The following PDLIM3 variants were observed in gnomAD, a reference collection of about 807,000 sequenced individuals.
PDLIM3 encodes the protein PDZ and LIM domain 3, also known as PDZ and LIM domain protein 3.
PDLIM3 carries 36 observed loss-of-function variants against 37.3 expected under a neutral mutation model. The ratio of observed to expected loss-of-function variants is 0.97; its 90% confidence interval spans 0.74 to 1.28. PDLIM3 has a LOEUF of 1.28. PDLIM3 is among the 50% of genes most tolerant of loss of function. The probability of loss-of-function intolerance (pLI) is 0.00; values close to 1 mark genes in which losing one functional copy is unlikely to be tolerated. For synonymous variants in PDLIM3, 174 were observed against 182.4 expected (o/e 0.95, Z 0.37); for missense variants, 454 against 485.0 (o/e 0.94, Z 0.60).
chr4:185,508,662 G>A (rs2095701930), intron 4 of PDLIM3, 100 bp from the exon 5 acceptor site: 2 of 1,189,248 alleles, frequency 1.7e-6, no homozygotes. Flanking sequence ...AAAAGGAATT[G>A]AAGACAAAAG....
intron 1 of PDLIM3, among the ~76,000 whole-genome samples, chr4:185,531,519 G>C (rs1359374089): frequency 6.6e-6 from 1 of 152,158 alleles, no homozygotes; most frequent in Non-Finnish European, 1.5e-5. Context: ...TTACGGGCAT[G>C]AGGGCCCTGT....
In PDLIM3 at chr4:185,518,201, A is replaced by C. The variant is rs546188341; in HGVS notation, c.331-3864T>G. Among the ~76,000 whole-genome samples the C allele has an allele frequency of 7.9e-5, 12 of 152,300 alleles. No homozygotes were observed. The East Asian group carries it at 2.3e-3, about 29-fold the overall frequency. ...ACATTTTGAATTAATGGAATGCTAG[A>C]GCTGCCCCAGTGAAAGCTAAGTAAC... On this transcript the variant is annotated intron_variant, in intron 3 of 7. Transcript: ENST00000284767.
intron 3 of PDLIM3, chr4:185,515,656 T>C (rs903131329): frequency 6.6e-6 from 1 of 152,168 alleles, no homozygotes; most frequent in Non-Finnish European, 1.5e-5. Flanking sequence ...ACAGGAGGAT[T>C]TTCACTTTAT....
In PDLIM3 at chr4:185,503,505, A is replaced by C. The variant is rs551662527; in HGVS notation, c.905+970T>G. 4.7e-4 allele frequency among the ~76,000 whole-genome samples: 72 copies of C among 152,336 alleles called. No individual in the cohort carries two copies. The South Asian group carries it at 0.014, about 30-fold the overall frequency. ...TGCCTTCTTGGGATGTATCCTGGCT[A>C]ACCGGACAGAGGACACATCAGTGTG... On this transcript the variant is annotated intron_variant, in intron 7 of 7. Coordinates refer to ENST00000284767, the MANE Select transcript of PDLIM3 (RefSeq NM_014476.6).
Position 185,514,209 on chromosome 4 carries a change from A to G in PDLIM3, c.398+61T>C. The G allele has an allele frequency of 1.2e-6, 2 of 1,614,090 alleles. No homozygotes were observed. The highest frequency in any genetic ancestry group is 1.7e-6 in the Non-Finnish European group (2 of 1,179,986). On this transcript the variant is annotated intron_variant, in intron 4 of 7. Coordinates refer to ENST00000284767, the MANE Select transcript of PDLIM3 (RefSeq NM_014476.6). This position sits in a 1 kb window ranked among gnomAD's most constrained non-coding sequence, Gnocchi z 4.0. The stretch of plus-strand genomic sequence containing the variant: ...CATCTACCAGTTACTTTTCTTGATG[A>G]TTAGTAAGAACTGATTTAAGAAGCA...
chr4:185,524,513 C>T (rs182542859), intron 2 of PDLIM3, among the ~76,000 whole-genome samples: 2 of 152,212 alleles, frequency 1.3e-5, no homozygotes, highest in Admixed American at 6.5e-5. Context: ...CACATGCCCA[C>T]GTGCATATGC....
chr4:185,524,927 C>T, intron 2 of PDLIM3, 93 bp downstream of exon 2: 1 of 1,240,098 alleles, frequency 8.1e-7, no homozygotes, highest in Non-Finnish European at 1.2e-6. Context: ...AGGTCTGTGG[C>T]CCTCCTTGCT....
intron 4 of PDLIM3, chr4:185,512,474 A>C (rs905841237): frequency 6.3e-6 from 1 of 158,328 alleles, no homozygotes; most frequent in Admixed American, 6.5e-5. Context: ...ATTCAGCTAC[A>C]TTAAAAGGTG....
At position 185,535,438 on chromosome 4, in the gene PDLIM3, G is replaced by T; in HGVS notation, c.-4C>A. ...GGAGGATCACCGTCTGGGGCATGCC[G>T]CCTTCCTCCCGCCCACCGGGCTCTA... On this transcript the variant is annotated 5_prime_UTR_variant, in exon 1 of 8. Coordinates refer to ENST00000284767, the MANE Select transcript of PDLIM3 (RefSeq NM_014476.6). 1 of 1,585,546 alleles carries T rather than the reference G, an allele frequency of 6.3e-7. No individual in the cohort carries two copies. Among genetic ancestry groups the T allele is most frequent in the Non-Finnish European group, 8.6e-7 (1 of 1,167,332 alleles).
At chr4:185,523,551 T>A in intron 2 of PDLIM3, 105 bp from the exon 3 acceptor site, 1 of 669,114 alleles carries the variant, frequency 1.5e-6, no homozygotes, top group Non-Finnish European at 2.5e-6. Flanking sequence ...CAAACCTCAC[T>A]AACTTATGCA....
chr4:185,506,847 GAAC>G (rs1244142877), intron 5 of PDLIM3, 195 bp from the exon 6 acceptor site: 2 of 574,468 alleles, frequency 3.5e-6, no homozygotes, highest in African/African-American at 3.7e-5. Flanking sequence ...AAATGTCATT[GAAC>G]AACAAATCGG....
intron 1 of PDLIM3, among the ~76,000 whole-genome samples, chr4:185,534,938 C>T (rs931480912): frequency 1.1e-4 from 16 of 152,186 alleles, no homozygotes; most frequent in African/African-American, 3.6e-4. Flanking sequence ...CAGTCCCTCG[C>T]CTCTCCCACC....
At chr4:185,521,394 CTTTTCT>C (rs1417801539) in intron 3 of PDLIM3, among the ~76,000 whole-genome samples, 4 of 22,184 alleles carry the variant, frequency 1.8e-4, no homozygotes, top group African/African-American at 2.2e-4. Flanking sequence ...ACTTTCTTTT[CTTTTCT>C]TTTTTTTTTT....
chr4:185,521,130 G>A lies in PDLIM3; in HGVS notation c.330+2232C>T, dbSNP rs1037540719. 6.1e-5 allele frequency among the ~76,000 whole-genome samples: 4 copies of A among 65,982 alleles called. 1 individual carries two copies. The highest frequency in any genetic ancestry group is 3.4e-4 in the Admixed American group (2 of 5,888). The allele number at this position is 65,982 out of a possible 152,430, so 43.3% of individuals were successfully genotyped here. A position where few individuals can be genotyped will look rare whatever the true frequency, so the allele number is the denominator to read the frequency against. On this transcript the variant is annotated intron_variant, in intron 3 of 7. Coordinates refer to ENST00000284767, the MANE Select transcript of PDLIM3 (RefSeq NM_014476.6). ...GGTGGGAGGAAGCAGGTCAGCCTGG[G>A]CATCTCTGCAAAAGGCTAGATACAA...
At chr4:185,512,593 C>T (rs1289937325) in intron 4 of PDLIM3, 2 of 900,530 alleles carry the variant, frequency 2.2e-6, no homozygotes, top group African/African-American at 1.8e-5. Context: ...CTCTGACTTT[C>T]CTGACTTTTT....
chr4:185,511,765 G>A (rs1047956871), intron 4 of PDLIM3, among the ~76,000 whole-genome samples: 7 of 152,184 alleles, frequency 4.6e-5, no homozygotes, highest in Non-Finnish European at 5.9e-5. Flanking sequence ...ATAACTAGAG[G>A]AGTGGATGTG....
chr4:185,503,023 C>T (rs563905767), intron 7 of PDLIM3, among the ~76,000 whole-genome samples: 8 of 152,026 alleles, frequency 5.3e-5, no homozygotes, highest in East Asian at 1.9e-4. Flanking sequence ...GTCAGGAGAT[C>T]GAGACCATCC....
chr4:185,507,957 C>A (rs1345698164), intron 5 of PDLIM3, among the ~76,000 whole-genome samples: 2 of 151,952 alleles, frequency 1.3e-5, no homozygotes. Context: ...AAGTATTACA[C>A]CAGATATTTG....
Position 185,514,023 on chromosome 4 carries a change from G to A in PDLIM3, c.398+247C>T, listed in dbSNP as rs2095710762. ...GATCCCCAGAGCCTCAGGGGTGTTC[G>A]CTATAAATACACGTGGTGATTGCAT... On this transcript the variant is annotated intron_variant, in intron 4 of 7. Transcript: ENST00000284767. This position sits in a 1 kb window ranked among gnomAD's most constrained non-coding sequence, Gnocchi z 4.0. 8.8e-6 allele frequency: 12 copies of A among 1,370,230 alleles called. No individual in the cohort carries two copies. Among genetic ancestry groups the A allele is most frequent in the Middle Eastern group, 2.5e-4 (1 of 4,052 alleles). 84.9% of individuals were successfully genotyped at this position (1,370,230 alleles called of 1,614,324 possible).
Sources: gnomAD v4.1 joint callset for allele counts (sites outside exome capture counted in the v4.1 genomes callset) on GRCh38, gnomAD v4.1.1 for gene constraint, Gnocchi (gnomAD v3.1) non-coding constraint, MANE v1.5 for transcripts, NCBI Gene and HGNC (gene_info 2026-07-23, HGNC 2026-07-21) for gene names.